The following CDON variants were observed in gnomAD, a reference collection of about 807,000 sequenced individuals.
CDON encodes the protein cell adhesion associated, oncogene regulated, also known as cell adhesion molecule-related/down-regulated by oncogenes.
Under a neutral mutation model 120.9 loss-of-function variants are expected in CDON, and 73 were observed. That is an observed-to-expected ratio of 0.60 (90% CI 0.50 to 0.73). The LOEUF (loss-of-function observed/expected upper bound fraction) is 0.73. Among genes scored for constraint, CDON ranks in the 30% least tolerant of loss-of-function variants. The pLI is 0.00. For missense variants in CDON, 1,470 were observed against 1,587.3 expected (o/e 0.93, Z 1.26); for synonymous variants, 566 against 573.5 (o/e 0.99, Z 0.19).
intron 1 of CDON, among the ~76,000 whole-genome samples, chr11:126,046,440 A>T (rs1046850085): frequency 2.0e-5 from 3 of 152,166 alleles, no homozygotes; most frequent in Non-Finnish European, 4.4e-5. Flanking sequence ...CAGTGACAAA[A>T]ATTCAGTAAT....
chr11:126,021,075 TCA>T (rs1163622849), intron 3 of CDON, among the ~76,000 whole-genome samples, 171 bp downstream of exon 3: 6 of 151,928 alleles, frequency 3.9e-5, no homozygotes, highest in Admixed American at 1.3e-4. Flanking sequence ...GAGGCCAGGC[TCA>T]CAGAGGTCTA....
chr11:125,996,742 C>T (rs73019400), intron 12 of CDON, among the ~76,000 whole-genome samples: 37,491 of 137,040 alleles, frequency 0.27, 5,013 homozygotes, highest in South Asian at 0.34. Context: ...AAAAATACAA[C>T]GAAATATAAA....
At position 126,023,447 on chromosome 11, in the gene CDON, T is replaced by G; in HGVS notation, c.30A>C (p.Thr10=). Reference sequence around the variant, plus strand: ...GAATTGTAAGAGTAACATACAGCAGTGTACATAAGGGTCCAAGATCCGGAT... The same window carrying G: ...GAATTGTAAGAGTAACATACAGCAGGGTACATAAGGGTCCAAGATCCGGAT... MHPDLGPLC[T]LLYVTLTILC... Residue 10 remains threonine (T), a synonymous_variant, in exon 2 of 20, where the codon ACA becomes ACC. Coordinates refer to ENST00000531738, the MANE Select transcript of CDON (RefSeq NM_001378964.1). 1 of 1,613,470 alleles carries G rather than the reference T, an allele frequency of 6.2e-7. No individual in the cohort carries two copies. The highest frequency in any genetic ancestry group is 2.2e-5 in the East Asian group (1 of 44,874).
At chr11:126,001,390 C>T (rs184373201) in intron 11 of CDON, among the ~76,000 whole-genome samples, 7 of 152,050 alleles carry the variant, frequency 4.6e-5, no homozygotes. Flanking sequence ...GGGTCTCCCC[C>T]TCTGTTGCCC....
intron 3 of CDON, among the ~76,000 whole-genome samples, chr11:126,020,434 C>T (rs367565106): frequency 6.6e-6 from 1 of 152,194 alleles, no homozygotes; most frequent in African/African-American, 2.4e-5. Context: ...CGGACGGAGC[C>T]TGCAGGGGAC....
chr11:126,051,892 AC>A (rs1288629796), intron 1 of CDON, among the ~76,000 whole-genome samples: 3 of 151,476 alleles, frequency 2.0e-5, no homozygotes, highest in Admixed American at 2.0e-4. Flanking sequence ...CAGGTGATCC[AC>A]CCGCCTCAGC....
intron 2 of CDON, among the ~76,000 whole-genome samples, chr11:126,022,612 C>G (rs928472802): frequency 6.6e-6 from 1 of 152,106 alleles, no homozygotes; most frequent in Non-Finnish European, 1.5e-5. Flanking sequence ...ATTGCTGAAT[C>G]TACTTCTATA....
At chr11:125,971,630 A>G (rs1285873239) in intron 18 of CDON, among the ~76,000 whole-genome samples, 2 of 152,130 alleles carry the variant, frequency 1.3e-5, no homozygotes, top group Non-Finnish European at 2.9e-5. Flanking sequence ...ACTATCAGCC[A>G]TGTAATTTGT....
intron 11 of CDON, among the ~76,000 whole-genome samples, chr11:125,997,953 T>G (rs1946836382): frequency 6.6e-6 from 1 of 152,004 alleles, no homozygotes; most frequent in African/African-American, 2.4e-5. Context: ...ACTGATAAAA[T>G]CAATACTGTT....
chr11:126,009,961 T>C (rs1030030042), intron 8 of CDON, among the ~76,000 whole-genome samples: 1 of 152,194 alleles, frequency 6.6e-6, no homozygotes, highest in Non-Finnish European at 1.5e-5. Flanking sequence ...ACCACAACTC[T>C]ACATTCTCAA....
At chr11:126,006,814 C>T (rs1379337985) in intron 8 of CDON, among the ~76,000 whole-genome samples, 1 of 151,888 alleles carries the variant, frequency 6.6e-6, no homozygotes, top group Non-Finnish European at 1.5e-5. Flanking sequence ...AAATAGGTTG[C>T]ATACAGTCAA....
At chr11:126,057,841 A>G (rs2134963870) in intron 1 of CDON, among the ~76,000 whole-genome samples, 1 of 152,358 alleles carries the variant, frequency 6.6e-6, no homozygotes, top group Non-Finnish European at 1.5e-5. Context: ...TTACATATAC[A>G]GGAGGAGTTA....
intron 18 of CDON, among the ~76,000 whole-genome samples, chr11:125,972,053 AG>A (rs1946014831): frequency 6.6e-6 from 1 of 152,222 alleles, no homozygotes; most frequent in Admixed American, 6.5e-5. Flanking sequence ...CTCTGGTGTA[AG>A]GAACTGGCTC....
intron 18 of CDON, among the ~76,000 whole-genome samples, chr11:125,973,018 C>CTTTTTTTTTTCTTTT (rs1946047441): frequency 1.5e-4 from 13 of 87,070 alleles, no homozygotes; most frequent in Admixed American, 5.5e-4. Flanking sequence ...ATTACTTGGT[C>CTTTTTTTTTTCTTTT]TTTTTTTTTT....
In CDON at chr11:125,981,970, C is replaced by CTT. The variant is rs61446837; in HGVS notation, c.2996-643_2996-642dup. ...CAAAGGCAAAAAGTGATTCTATTTT[C>CTT]TTTTTTTTTTTTTTTTTTTTTTTTT... On this transcript the variant is annotated intron_variant, in intron 16 of 19. Coordinates refer to ENST00000531738, the MANE Select transcript of CDON (RefSeq NM_001378964.1). Among the ~76,000 whole-genome samples the CTT allele has an allele frequency of 3.1e-3, 167 of 54,290 alleles. 41 individuals carry two copies. The East Asian group carries it at 0.06, about 20-fold the overall frequency. The allele number at this position is 54,290 out of a possible 152,430, so 35.6% of individuals were successfully genotyped here. A position where few individuals can be genotyped will look rare whatever the true frequency, so the allele number is the denominator to read the frequency against.
At chr11:126,009,971 A>G (rs768392989) in intron 8 of CDON, among the ~76,000 whole-genome samples, 1 of 152,202 alleles carries the variant, frequency 6.6e-6, no homozygotes, top group Non-Finnish European at 1.5e-5. Context: ...TACATTCTCA[A>G]TGAAGGCCAG....
intron 8 of CDON, among the ~76,000 whole-genome samples, chr11:126,008,221 GGA>G (rs1250987326): frequency 6.6e-6 from 1 of 152,008 alleles, no homozygotes; most frequent in Non-Finnish European, 1.5e-5. Context: ...AAAAGGCTGG[GGA>G]GAGAGTTATC....
intron 1 of CDON, among the ~76,000 whole-genome samples, chr11:126,051,909 A>C (rs1948568966): frequency 1.3e-5 from 2 of 152,088 alleles, no homozygotes; most frequent in Admixed American, 1.3e-4. Flanking sequence ...TCAGCCTCCC[A>C]AAGTTCTGGG....
At chr11:125,962,754 AT>A (rs1258688822) in intron 18 of CDON, among the ~76,000 whole-genome samples, 3 of 151,912 alleles carry the variant, frequency 2.0e-5, no homozygotes, top group African/African-American at 7.3e-5. Flanking sequence ...TAAATTTTCC[AT>A]TTTAGTTACT....
Sources: allele counts gnomAD v4.1 joint callset (sites outside exome capture counted in the v4.1 genomes callset), GRCh38; gene constraint gnomAD v4.1.1; transcripts MANE v1.5; gene names NCBI Gene and HGNC (gene_info 2026-07-23, HGNC 2026-07-21).